MYRIP: variants seen among roughly 807,000 people sequenced by gnomAD.
MYRIP encodes the protein rab effector MyRIP.
MYRIP carries 49 observed loss-of-function variants against 98.0 expected under a neutral mutation model. The ratio of observed to expected loss-of-function variants is 0.50; its 90% CI spans 0.40 to 0.63. The LOEUF (loss-of-function observed/expected upper bound fraction) is 0.63. Among genes scored for constraint, MYRIP ranks in the 30% least tolerant of loss-of-function variants. The pLI is 0.00. For synonymous variants in MYRIP, 404 were observed against 409.5 expected, an observed-to-expected ratio of 0.99 and a Z score of 0.16; for missense variants, 1,004 against 1,058.2, an observed-to-expected ratio of 0.95 and a Z score of 0.71.
rs548474944 is a variant in MYRIP at position 40,251,855 on chromosome 3, A to AT, written c.2429-20dup. The stretch of plus-strand genomic sequence containing the variant: ...TCAATCAGTCCATCTTCTGGGTAAC[A>AT]TTTTTTCCCATTTATTTCCTTTTAG... On this transcript the variant is annotated intron_variant, in intron 15 of 16. Transcript: ENST00000302541. 4,431 of 1,504,424 alleles carry AT rather than the reference A, an allele frequency of 2.9e-3. 8 individuals are homozygous for AT. The highest frequency in any genetic ancestry group is 3.6e-3 in the Non-Finnish European group (3,922 of 1,080,612). 93.2% of individuals were successfully genotyped at this position (1,504,424 alleles called of 1,614,324 possible).
intron 2 of MYRIP, among the ~76,000 whole-genome samples, chr3:39,908,442 C>T (rs1480525931): frequency 6.6e-6 from 1 of 152,142 alleles, no homozygotes; most frequent in East Asian, 1.9e-4. Flanking sequence ...CCCCCCATTG[C>T]TCAGGTCTAA....
At chr3:40,116,709 C>T (rs185317266) in intron 3 of MYRIP, among the ~76,000 whole-genome samples, 1 of 152,256 alleles carries the variant, frequency 6.6e-6, no homozygotes, top group Admixed American at 6.5e-5. Flanking sequence ...ATGCACAGGG[C>T]TAGAAAACTG....
chr3:40,138,566 T>A (rs536818983), intron 3 of MYRIP, among the ~76,000 whole-genome samples: 151 of 152,322 alleles, frequency 9.9e-4, no homozygotes, highest in Non-Finnish European at 1.5e-3. Context: ...TAAAAACTAT[T>A]TTATACCAGC....
At chr3:39,889,197 A>G (rs533812036) in intron 1 of MYRIP, among the ~76,000 whole-genome samples, 1 of 152,260 alleles carries the variant, frequency 6.6e-6, no homozygotes, top group African/African-American at 2.4e-5. Flanking sequence ...CTAAAGGAGT[A>G]TAAATAATGC....
chr3:40,014,271 G>T (rs1165338965), intron 2 of MYRIP, among the ~76,000 whole-genome samples: 1 of 152,240 alleles, frequency 6.6e-6, no homozygotes, highest in East Asian at 1.9e-4. Context: ...TAATTTATTT[G>T]AATTTTTTCC....
chr3:40,154,958 A>AT (rs1227154468), intron 4 of MYRIP, among the ~76,000 whole-genome samples: 1 of 152,010 alleles, frequency 6.6e-6, no homozygotes, highest in African/African-American at 2.4e-5. Context: ...TTTTATTATC[A>AT]TTCTATATCT....
intron 2 of MYRIP, among the ~76,000 whole-genome samples, chr3:40,035,005 T>C (rs969079988): frequency 7.2e-6 from 1 of 138,350 alleles, no homozygotes; most frequent in African/African-American, 2.7e-5. Flanking sequence ...TTCTCACTCA[T>C]AGGTGGGAAT....
At chr3:40,082,249 A>G (rs1434179623) in intron 3 of MYRIP, among the ~76,000 whole-genome samples, 1 of 152,238 alleles carries the variant, frequency 6.6e-6, no homozygotes, top group Admixed American at 6.5e-5. Flanking sequence ...TTCTGGATCT[A>G]TGTCCAAGGA....
intron 15 of MYRIP, 149 bp downstream of exon 15, chr3:40,250,648 G>A (rs1953346083): frequency 1.1e-6 from 1 of 878,822 alleles, no homozygotes; most frequent in African/African-American, 1.7e-5. Flanking sequence ...GGTCCCCCCA[G>A]AAGCAAACCC....
At chr3:39,836,277 T>C (rs1016229967) in intron 1 of MYRIP, among the ~76,000 whole-genome samples, 3 of 152,210 alleles carry the variant, frequency 2.0e-5, no homozygotes, top group African/African-American at 7.2e-5. Flanking sequence ...TTTTTAATGA[T>C]TGACAATCTA....
At chr3:39,857,837 G>A (rs2125614166) in intron 1 of MYRIP, among the ~76,000 whole-genome samples, 1 of 152,062 alleles carries the variant, frequency 6.6e-6, no homozygotes, top group South Asian at 2.1e-4. Flanking sequence ...ATAGCTATAA[G>A]GTATTTTAAG....
chr3:39,823,105 C>G (rs1464972843), intron 1 of MYRIP, among the ~76,000 whole-genome samples: 1 of 151,040 alleles, frequency 6.6e-6, no homozygotes, highest in South Asian at 2.1e-4. Context: ...CTGCAACCTC[C>G]GCCTCCTGGG....
At chr3:39,923,080 T>G (rs1944339662) in intron 2 of MYRIP, among the ~76,000 whole-genome samples, 2 of 151,788 alleles carry the variant, frequency 1.3e-5, no homozygotes, top group African/African-American at 4.8e-5. Context: ...TAACTGAAGC[T>G]CAATAGCAGA....
chr3:39,872,859 G>A (rs1227606692), intron 1 of MYRIP, among the ~76,000 whole-genome samples: 1 of 152,202 alleles, frequency 6.6e-6, no homozygotes, highest in African/African-American at 2.4e-5. Context: ...ACCCAGTAAT[G>A]GGATGGCTGG....
At position 40,044,153 on chromosome 3, in the gene MYRIP, A is replaced by G. The variant is rs139785854; in HGVS notation, c.214A>G (p.Thr72Ala). Reference protein sequence around the residue: ...HCCMRCCSPFTFLVNTKRQCG... With the variant: ...HCCMRCCSPFAFLVNTKRQCG... Reference sequence around the variant, plus strand: ...CTGCATGCGCTGCTGCTCGCCCTTCACCTTCCTCGTCAACACCAAGCGCCA... The same window carrying G: ...CTGCATGCGCTGCTGCTCGCCCTTCGCCTTCCTCGTCAACACCAAGCGCCA... Residue 72 changes from threonine to alanine, a missense_variant, in exon 3 of 17, where the codon ACC (threonine) becomes GCC (alanine). Thr to Ala is a moderately conservative substitution (Grantham distance 58, BLOSUM62 0). Coordinates refer to ENST00000302541, the MANE Select transcript of MYRIP (RefSeq NM_015460.4). The G allele has an allele frequency of 2.4e-4, 380 of 1,614,042 alleles. 1 individual carries two copies. The highest frequency in any genetic ancestry group is 3.0e-4 in the Non-Finnish European group (355 of 1,180,032).
intron 1 of MYRIP, among the ~76,000 whole-genome samples, chr3:39,860,423 G>A (rs1349480086): frequency 2.0e-5 from 3 of 152,240 alleles, no homozygotes; most frequent in Non-Finnish European, 4.4e-5. Flanking sequence ...CCCAAGGCTT[G>A]TCTTGCTCCC....
intron 11 of MYRIP, among the ~76,000 whole-genome samples, chr3:40,211,315 T>C (rs1026899858): frequency 6.6e-6 from 1 of 152,198 alleles, no homozygotes; most frequent in African/African-American, 2.4e-5. Context: ...TGCACATGCA[T>C]GAGTGAAGGA....
At chr3:39,823,950 T>C (rs1267049682) in intron 1 of MYRIP, among the ~76,000 whole-genome samples, 1 of 152,182 alleles carries the variant, frequency 6.6e-6, no homozygotes, top group Non-Finnish European at 1.5e-5. Flanking sequence ...CCTAAAGTAT[T>C]TCCCCTATGT....
chr3:39,895,007 A>G (rs1179093259), intron 1 of MYRIP, among the ~76,000 whole-genome samples: 3 of 152,210 alleles, frequency 2.0e-5, no homozygotes, highest in African/African-American at 7.2e-5. Context: ...GCATTTGGTT[A>G]TTAATGATAT....
Sources: gnomAD v4.1 joint callset for allele counts (sites outside exome capture counted in the v4.1 genomes callset) on GRCh38, gnomAD v4.1.1 for gene constraint, MANE v1.5 for transcripts, NCBI Gene and HGNC (gene_info 2026-07-23, HGNC 2026-07-21) for gene names.